Variants in MALRD1 observed in about 807,000 individuals in gnomAD.
MALRD1 encodes the protein MAM and LDL receptor class A domain containing 1, also known as MAM and LDL-receptor class A domain-containing protein 1.
Under a neutral mutation model 242.1 loss-of-function variants are expected in MALRD1, and 247 were observed. The ratio of observed to expected loss-of-function variants is 1.02; its 90% CI spans 0.92 to 1.13. MALRD1 has a LOEUF of 1.13. MALRD1 is among the 50% of genes most tolerant of loss of function. MALRD1 has a pLI of 0.00. For missense variants in MALRD1, 2,989 were observed against 2,533.1 expected, an observed-to-expected ratio of 1.18 and a Z score of -3.86; for synonymous variants, 995 against 866.6, an observed-to-expected ratio of 1.15 and a Z score of -2.60.
At chr10:19,432,605 C>T (rs11009880) in intron 28 of MALRD1, among the ~76,000 whole-genome samples, 24,428 of 152,090 alleles carry the variant, frequency 0.16, 2,735 homozygotes, top group African/African-American at 0.33. Flanking sequence ...GGCTTGTCCT[C>T]ATGAATCTTA....
At chr10:19,426,375 A>G (rs1833903523) in intron 28 of MALRD1, among the ~76,000 whole-genome samples, 2 of 152,228 alleles carry the variant, frequency 1.3e-5, no homozygotes, top group Admixed American at 1.3e-4. Flanking sequence ...GTCACTTACC[A>G]TGAAGTTTAA....
chr10:19,361,270 A>G (rs1331178439), intron 26 of MALRD1, among the ~76,000 whole-genome samples: 3 of 152,078 alleles, frequency 2.0e-5, no homozygotes, highest in Admixed American at 6.6e-5. Flanking sequence ...CATTCCCTCC[A>G]TTTCCCTTCT....
chr10:19,153,849 A>G (rs1021996674), intron 11 of MALRD1, among the ~76,000 whole-genome samples: 16 of 151,324 alleles, frequency 1.1e-4, no homozygotes, highest in South Asian at 2.1e-4. Flanking sequence ...TAATGTGTAC[A>G]TGTTCTCACC....
intron 36 of MALRD1, among the ~76,000 whole-genome samples, chr10:19,626,849 T>A (rs553370665): frequency 1.8e-4 from 27 of 152,186 alleles, no homozygotes; most frequent in Non-Finnish European, 3.1e-4. Context: ...TAGATTTTTG[T>A]TTGATTTTGA....
intron 36 of MALRD1, among the ~76,000 whole-genome samples, chr10:19,639,417 A>G (rs957478338): frequency 3.9e-5 from 6 of 152,316 alleles, no homozygotes; most frequent in Admixed American, 2.6e-4. Context: ...TCTGCCTACC[A>G]CACGTGGAGA....
At chr10:19,410,974 G>A (rs1165447293) in intron 28 of MALRD1, among the ~76,000 whole-genome samples, 1 of 151,688 alleles carries the variant, frequency 6.6e-6, no homozygotes, top group East Asian at 1.9e-4. Flanking sequence ...CTCTTAATTG[G>A]GCATTTTTGG....
intron 18 of MALRD1, among the ~76,000 whole-genome samples, chr10:19,235,954 G>C (rs1838300093): frequency 6.6e-6 from 1 of 152,092 alleles, no homozygotes; most frequent in Admixed American, 6.6e-5. Flanking sequence ...TTGAAGACTA[G>C]GGGAAGAGTA....
chr10:19,593,576 T>C (rs1837926913), intron 33 of MALRD1, among the ~76,000 whole-genome samples: 1 of 152,208 alleles, frequency 6.6e-6, no homozygotes, highest in Non-Finnish European at 1.5e-5. Flanking sequence ...CCTTAATATA[T>C]TGATGAGTCC....
chr10:19,327,586 T>C lies in MALRD1; in HGVS notation c.3600T>C (p.Val1200=). The C allele has an allele frequency of 6.5e-7, 1 of 1,549,886 alleles. No individual in the cohort carries two copies. The highest frequency in any genetic ancestry group is 8.7e-7 in the Non-Finnish European group (1 of 1,146,304). The change falls in exon 23 of 40, where the codon GTT becomes GTC. Residue 1200 remains valine, a synonymous_variant. Transcript: ENST00000454679. ...SLQVLIKKDN[V]TSKLWAQTGQ... is the part of the protein sequence containing the mutation. ...AGGTGCTCATCAAGAAAGATAACGT[T>C]ACTTCTAAATTGTGGGCTCAAACTG...
intron 2 of MALRD1, among the ~76,000 whole-genome samples, chr10:19,067,781 G>A (rs143016533): frequency 1.9e-4 from 29 of 152,202 alleles, no homozygotes; most frequent in African/African-American, 7.0e-4. Context: ...ATGAAAAATT[G>A]TTGATGGAGC....
chr10:19,369,566 T>C (rs1031302684), intron 26 of MALRD1, among the ~76,000 whole-genome samples: 1 of 149,282 alleles, frequency 6.7e-6, no homozygotes, highest in Non-Finnish European at 1.5e-5. Flanking sequence ...ACATATAATA[T>C]GCAAATATGT....
At chr10:19,404,605 A>T (rs1036707744) in intron 28 of MALRD1, among the ~76,000 whole-genome samples, 16 of 152,094 alleles carry the variant, frequency 1.1e-4, no homozygotes, top group African/African-American at 2.9e-4. Flanking sequence ...TGAGTAGGAA[A>T]ACAATCAATG....
chr10:19,206,811 A>G (rs1836807625), intron 17 of MALRD1, among the ~76,000 whole-genome samples: 1 of 152,192 alleles, frequency 6.6e-6, no homozygotes. Flanking sequence ...AAGACAGACA[A>G]TAGAAAAACG....
At chr10:19,208,517 G>T (rs1836890185) in intron 17 of MALRD1, among the ~76,000 whole-genome samples, 1 of 152,130 alleles carries the variant, frequency 6.6e-6, no homozygotes, top group African/African-American at 2.4e-5. Flanking sequence ...TGCCATTGAA[G>T]GATTGTTACC....
chr10:19,727,385 T>A lies in MALRD1; in HGVS notation c.6315-3321T>A, dbSNP rs117858948. Among the ~76,000 whole-genome samples the A allele has an allele frequency of 2.1e-3, 315 of 152,304 alleles. 6 individuals are homozygous for A. In the East Asian group the frequency reaches 0.055, roughly 27 times the overall value. ...TAAAACAATGTTGTCAGTTAATAAG[T>A]GAATTCCATTAGAAGTATAAATATG... On this transcript the variant is annotated intron_variant, in intron 38 of 39. Coordinates refer to ENST00000454679, the MANE Select transcript of MALRD1 (RefSeq NM_001142308.3).
At chr10:19,663,018 A>G (rs1841515366) in intron 36 of MALRD1, among the ~76,000 whole-genome samples, 1 of 151,988 alleles carries the variant, frequency 6.6e-6, no homozygotes, top group African/African-American at 2.4e-5. Flanking sequence ...AGATTTCTAT[A>G]TTTTATTTTA....
At chr10:19,175,593 A>T (rs975435327) in intron 14 of MALRD1, among the ~76,000 whole-genome samples, 2 of 151,202 alleles carry the variant, frequency 1.3e-5, no homozygotes, top group Non-Finnish European at 2.9e-5. Context: ...AATTATAAAT[A>T]TTATGAAAAA....
chr10:19,500,788 G>A (rs1368894609), intron 31 of MALRD1, among the ~76,000 whole-genome samples: 2 of 152,116 alleles, frequency 1.3e-5, no homozygotes, highest in Non-Finnish European at 1.5e-5. Context: ...ATAAATGAAT[G>A]CCTATTATGT....
At chr10:19,437,879 A>C (rs1008871022) in intron 28 of MALRD1, among the ~76,000 whole-genome samples, 2 of 152,098 alleles carry the variant, frequency 1.3e-5, no homozygotes, top group Non-Finnish European at 2.9e-5. Flanking sequence ...TTTCTGAAAT[A>C]ATTTTGTCTT....
Sources: gnomAD v4.1 joint callset for allele counts (sites outside exome capture counted in the v4.1 genomes callset) on GRCh38, gnomAD v4.1.1 for gene constraint, MANE v1.5 for transcripts, NCBI Gene and HGNC (gene_info 2026-07-23, HGNC 2026-07-21) for gene names.